Variants in GPC5 observed in about 807,000 individuals in gnomAD.
GPC5 encodes the protein glypican-5.
A neutral mutation model predicts 53.9 loss-of-function variants in GPC5; 47 were observed. The observed-to-expected ratio is 0.87, with a 90% confidence interval of 0.69 to 1.11. The LOEUF is 1.11. GPC5 is among the 50% of genes most tolerant of loss of function. GPC5 has a pLI of 0.00. For synonymous variants in GPC5, 286 were observed against 263.3 expected, an observed-to-expected ratio of 1.09 and a Z score of -0.84; for missense variants, 748 against 713.1, an observed-to-expected ratio of 1.05 and a Z score of -0.56.
At chr13:92,707,855 C>T (rs529541049) in intron 7 of GPC5, among the ~76,000 whole-genome samples, 2 of 152,162 alleles carry the variant, frequency 1.3e-5, no homozygotes, top group South Asian at 4.2e-4. Context: ...GATTTCTGGT[C>T]CTTTACCTGA....
chr13:92,141,173 C>G (rs1352588156), intron 6 of GPC5, among the ~76,000 whole-genome samples: 1 of 152,056 alleles, frequency 6.6e-6, no homozygotes, highest in African/African-American at 2.4e-5. Context: ...TTCTGCAAAT[C>G]AAGTTTTATT....
chr13:92,522,998 T>C (rs1438388858), intron 7 of GPC5, among the ~76,000 whole-genome samples: 1 of 152,130 alleles, frequency 6.6e-6, no homozygotes, highest in Non-Finnish European at 1.5e-5. Context: ...TGTGCAAGAA[T>C]GAACCTCTTC....
intron 7 of GPC5, among the ~76,000 whole-genome samples, chr13:92,250,983 C>T (rs2042688593): frequency 1.3e-5 from 2 of 152,098 alleles, no homozygotes; most frequent in African/African-American, 4.8e-5. Context: ...CCAGAAAATA[C>T]ATGAATGCCT....
intron 7 of GPC5, among the ~76,000 whole-genome samples, chr13:92,625,538 G>A (rs1029900100): frequency 6.6e-6 from 1 of 152,198 alleles, no homozygotes; most frequent in African/African-American, 2.4e-5. Context: ...TCAATGTGGA[G>A]TTCAGTGGAA....
chr13:91,980,309 G>A (rs1298751242), intron 6 of GPC5, among the ~76,000 whole-genome samples: 1 of 152,068 alleles, frequency 6.6e-6, no homozygotes, highest in Non-Finnish European at 1.5e-5. Flanking sequence ...ATAGACTTCA[G>A]GATTTTTTTA....
At chr13:92,679,779 T>G (rs1887058695) in intron 7 of GPC5, among the ~76,000 whole-genome samples, 1 of 152,130 alleles carries the variant, frequency 6.6e-6, no homozygotes. Context: ...GGACCATATA[T>G]TTACATGAAT....
intron 7 of GPC5, among the ~76,000 whole-genome samples, chr13:92,315,959 A>G (rs2043176500): frequency 6.6e-6 from 1 of 152,188 alleles, no homozygotes; most frequent in Non-Finnish European, 1.5e-5. Context: ...TTATAATAAA[A>G]GAGAAAAGAA....
chr13:91,830,889 A>AAT (rs1006642721), intron 5 of GPC5, among the ~76,000 whole-genome samples: 4 of 126,706 alleles, frequency 3.2e-5, no homozygotes, highest in East Asian at 2.0e-4. Flanking sequence ...TATTATATAT[A>AAT]ATATATATAT....
chr13:92,295,276 C>T (rs1314110583), intron 7 of GPC5, among the ~76,000 whole-genome samples: 1 of 152,112 alleles, frequency 6.6e-6, no homozygotes, highest in Non-Finnish European at 1.5e-5. Flanking sequence ...ATTTTTGACC[C>T]AATGATCATT....
At chr13:92,851,256 T>C (rs1469143515) in intron 7 of GPC5, among the ~76,000 whole-genome samples, 1 of 152,082 alleles carries the variant, frequency 6.6e-6, no homozygotes, top group Non-Finnish European at 1.5e-5. Context: ...TGACATGAGA[T>C]TTGGACGGGG....
At chr13:91,503,399 A>G (rs1197538699) in intron 2 of GPC5, among the ~76,000 whole-genome samples, 1 of 152,194 alleles carries the variant, frequency 6.6e-6, no homozygotes, top group Non-Finnish European at 1.5e-5. Flanking sequence ...CCCCTTCTGT[A>G]AAACAAGCAA....
At chr13:92,714,115 G>T (rs1888246905) in intron 7 of GPC5, among the ~76,000 whole-genome samples, 1 of 152,080 alleles carries the variant, frequency 6.6e-6, no homozygotes, top group Non-Finnish European at 1.5e-5. Context: ...TACTACTCTG[G>T]CTCTAGAGGG....
chr13:92,616,226 A>G (rs2139106695), intron 7 of GPC5, among the ~76,000 whole-genome samples: 1 of 152,330 alleles, frequency 6.6e-6, no homozygotes, highest in South Asian at 2.1e-4. Flanking sequence ...TCTCAAGAAG[A>G]CTTAATATGT....
chr13:92,198,232 T>C (rs1169902576), intron 7 of GPC5, among the ~76,000 whole-genome samples: 1 of 152,196 alleles, frequency 6.6e-6, no homozygotes, highest in Admixed American at 6.5e-5. Context: ...GTATATGATA[T>C]GTCTCTCCAC....
intron 2 of GPC5, among the ~76,000 whole-genome samples, chr13:91,611,799 A>G (rs1258339667): frequency 6.6e-6 from 1 of 152,086 alleles, no homozygotes; most frequent in African/African-American, 2.4e-5. Context: ...CACCTTGCCA[A>G]CATTACTGCT....
At position 92,503,485 on chromosome 13, in the gene GPC5, T is replaced by C. The variant is rs1421010141; in HGVS notation, c.1561+358496T>C. ...TAAGCTTGGATTATCTAAGATTCCATCTAGAAAAAAGAGCAAAGTAAACTC... is the reference window on the plus strand; with the variant it reads ...TAAGCTTGGATTATCTAAGATTCCACCTAGAAAAAAGAGCAAAGTAAACTC... On this transcript the variant is annotated intron_variant, in intron 7 of 7. Transcript: ENST00000377067. Among the ~76,000 whole-genome samples the C allele has an allele frequency of 2.0e-5, 3 of 151,156 alleles. No individual in the cohort carries two copies. In the East Asian group the frequency reaches 5.9e-4, roughly 30 times the overall value.
At chr13:92,446,466 T>G (rs1244745734) in intron 7 of GPC5, 1 of 151,204 alleles carries the variant, frequency 6.6e-6, no homozygotes, top group Non-Finnish European at 1.5e-5. Flanking sequence ...GATACCATTC[T>G]TTTTTTATGG....
At chr13:92,048,806 A>G (rs181741481) in intron 6 of GPC5, among the ~76,000 whole-genome samples, 30 of 152,306 alleles carry the variant, frequency 2.0e-4, no homozygotes, top group Admixed American at 1.4e-3. Context: ...TCTCAATTTC[A>G]TGAAGTTGAC....
chr13:91,601,080 T>A (rs980226918), intron 2 of GPC5, among the ~76,000 whole-genome samples: 3 of 152,212 alleles, frequency 2.0e-5, no homozygotes, highest in Admixed American at 2.0e-4. Flanking sequence ...TTCTTAATGA[T>A]GTTTTCATTG....
Sources: allele counts gnomAD v4.1 joint callset (sites outside exome capture counted in the v4.1 genomes callset), GRCh38; gene constraint gnomAD v4.1.1; transcripts MANE v1.5; gene names NCBI Gene and HGNC (gene_info 2026-07-23, HGNC 2026-07-21).